Variants in MYLK3 observed in about 807,000 individuals in gnomAD.
The protein encoded by MYLK3 is MLC kinase.
Under a neutral mutation model 76.3 loss-of-function variants are expected in MYLK3, and 55 were observed. That is an observed-to-expected ratio of 0.72 (90% CI 0.58 to 0.90). The LOEUF (loss-of-function observed/expected upper bound fraction) is 0.90. MYLK3 is among the 40% of genes least tolerant of loss of function. The pLI is 0.00. For synonymous variants in MYLK3, 416 were observed against 425.4 expected, an observed-to-expected ratio of 0.98 and a Z score of 0.27; for missense variants, 973 against 1,053.6, an observed-to-expected ratio of 0.92 and a Z score of 1.06.
At chr16:46,752,301 C>A, upstream of MYLK3, among the ~76,000 whole-genome samples, 1 of 152,082 alleles carries the variant, frequency 6.6e-6, no homozygotes, top group Non-Finnish European at 1.5e-5. Flanking sequence ...AATGGCACAA[C>A]CACAGCTCAC....
At chr16:46,723,207 G>A (rs566927610) in intron 8 of MYLK3, among the ~76,000 whole-genome samples, 1 of 151,996 alleles carries the variant, frequency 6.6e-6, no homozygotes, top group East Asian at 1.9e-4. Flanking sequence ...TGCCTATTCT[G>A]GACATTTCAT....
At chr16:46,711,917 A>C (rs747948345) in intron 10 of MYLK3, 4 of 161,118 alleles carry the variant, frequency 2.5e-5, no homozygotes, top group Non-Finnish European at 5.5e-5. Context: ...CTTACTCTCG[A>C]TGAATACCTT....
chr16:46,712,524 T>C, intron 10 of MYLK3, 124 bp downstream of exon 10: 1 of 836,700 alleles, frequency 1.2e-6, no homozygotes, highest in Non-Finnish European at 1.7e-6. Flanking sequence ...TATTCCTCTA[T>C]TGGGGTTTCC....
Position 46,709,656 on chromosome 16 carries a change from G to A in MYLK3, c.2283C>T (p.Ala761=). The change falls in exon 12 of 13, where the codon GCC becomes GCT. Residue 761 remains alanine, a synonymous_variant. Transcript: ENST00000394809. ...LVKEKSCRMS[A]TQCLKHEWLN... The stretch of plus-strand genomic sequence containing the variant: ...GCCACTCGTGTTTCAGGCACTGTGT[G>A]GCACTCATTCTGCAGCTGTGAAATC... 1 of 1,612,620 alleles carries A rather than the reference G, an allele frequency of 6.2e-7. No homozygotes were observed. Among genetic ancestry groups the A allele is most frequent in the Non-Finnish European group, 8.5e-7 (1 of 1,179,650 alleles).
rs1207608535 is a variant in MYLK3, at chr16:46,727,376, C to T, written c.1774G>A (p.Val592Met). The T allele has an allele frequency of 2.2e-5, 36 of 1,605,458 alleles. No homozygotes were observed. The East Asian group carries it at 4.0e-4, about 18-fold the overall frequency. The change falls in exon 8 of 13, where the codon GTG becomes ATG. Residue 592 changes from valine (V) to methionine (M), a missense_variant and splice_region_variant. Physicochemically the swap from Val to Met is conservative, Grantham distance 21. Around this residue, in one of 2 missense-constraint regions of MYLK3, gnomAD observed 332 missense variants for 416.6 expected, o/e 0.80. Transcript: ENST00000394809. Reference protein sequence around the residue: ...KHSCTLVMEYVDGGELFDRIT... With the variant: ...KHSCTLVMEYMDGGELFDRIT... ...CGGTCGAAGAGCTCACCCCCGTCCA[C>T]GCTGCCAGAGCAAAGGGAGAGGCAG...
At chr16:46,738,286 G>C in intron 2 of MYLK3, 143 bp from the exon 3 acceptor site, 1 of 718,948 alleles carries the variant, frequency 1.4e-6, no homozygotes, top group South Asian at 2.3e-5. Context: ...GAAAGGGGCT[G>C]GTTGACTAAA....
chr16:46,759,542 C>A (rs1967248402), intron 1 of MYLK3, among the ~76,000 whole-genome samples: 2 of 152,224 alleles, frequency 1.3e-5, no homozygotes, highest in Admixed American at 1.3e-4. Flanking sequence ...AAGGCATGTT[C>A]CAAAGTCAGA....
rs762435247 is a variant in MYLK3, at chr16:46,710,665, C to G, written c.2239G>C (p.Val747Leu). The G allele has an allele frequency of 1.9e-6, 3 of 1,614,164 alleles. No homozygotes were observed. The highest frequency in any genetic ancestry group is 2.5e-6 in the Non-Finnish European group (3 of 1,180,036). Residue 747 changes from valine to leucine, a missense_variant, in exon 11 of 13, where the codon GTT (valine) becomes CTT (leucine). Around this residue, in one of 2 missense-constraint regions of MYLK3, gnomAD observed 332 missense variants for 416.6 expected, o/e 0.80. Transcript: ENST00000394809. ...EGLSEEAKDF[V>L]SRLLVKEKSC... ...TTCTCTTTGACCAGCAACCGGGAAA[C>G]AAAGTCCTTGGCCTCCTCCGAGAGC... is the stretch of plus-strand genomic sequence containing the variant.
At chr16:46,732,819 C>T (rs1966855458) in intron 3 of MYLK3, 151 bp from the exon 4 acceptor site, 1 of 614,476 alleles carries the variant, frequency 1.6e-6, no homozygotes, top group South Asian at 2.5e-5. Flanking sequence ...ACTTCAGTGA[C>T]AGTTGGTGCC....
chr16:46,716,961 C>A (rs1354109021), intron 9 of MYLK3, among the ~76,000 whole-genome samples: 1 of 152,182 alleles, frequency 6.6e-6, no homozygotes, highest in African/African-American at 2.4e-5. Context: ...CCATACCTTG[C>A]CCTGTGCCCC....
chr16:46,715,553 T>C (rs989707763), intron 9 of MYLK3, among the ~76,000 whole-genome samples: 3 of 152,212 alleles, frequency 2.0e-5, no homozygotes, highest in African/African-American at 7.2e-5. Flanking sequence ...AAGGATCTGA[T>C]GAAATGGGAT....
Position 46,757,475 on chromosome 16 carries a change from C to T in MYLK3, c.-114+5565G>A, listed in dbSNP as rs981170176. Reference sequence around the variant, plus strand: ...CGCTGCTGGCCTCTGGTGCTGGGACCGCGCAGTGCTGGAGTGGGGCACAGA... The same window carrying T: ...CGCTGCTGGCCTCTGGTGCTGGGACTGCGCAGTGCTGGAGTGGGGCACAGA... On this transcript the variant is annotated intron_variant, in intron 1 of 11. Coordinates refer to the MYLK3 transcript ENST00000536476. 1.5e-5 allele frequency: 15 copies of T among 985,332 alleles called. No homozygotes were observed. In the East Asian group the frequency reaches 7.9e-4, roughly 52 times the overall value. The allele number at this position is 985,332 out of a possible 1,614,324, so 61.0% of individuals were successfully genotyped here. A position where few individuals can be genotyped will look rare whatever the true frequency, so the allele number is the denominator to read the frequency against.
At chr16:46,716,578 G>A (rs1966743131) in intron 9 of MYLK3, among the ~76,000 whole-genome samples, 1 of 150,914 alleles carries the variant, frequency 6.6e-6, no homozygotes, top group African/African-American at 2.4e-5. Flanking sequence ...TTGTTATAAT[G>A]TTGGGACACT....
At chr16:46,709,433 C>T in intron 12 of MYLK3, 106 bp downstream of exon 12, 4 of 1,318,308 alleles carry the variant, frequency 3.0e-6, no homozygotes, top group Non-Finnish European at 4.1e-6. Context: ...AAAAACAAAC[C>T]CAAAAAGAAG....
rs750201520 is a variant in MYLK3, at chr16:46,738,011, T to C, written c.701A>G (p.Gln234Arg). Reference sequence around the variant, plus strand: ...CAGGGGCAGGTGGCCAGGGAATGCCTGGGCTGGGCCAGGAACACCATCTCC... The same window carrying C: ...CAGGGGCAGGTGGCCAGGGAATGCCCGGGCTGGGCCAGGAACACCATCTCC... ...GQGDGVPGPA[Q>R]AFPGHLPLPT... is the part of the protein sequence containing the mutation. Residue 234 changes from glutamine to arginine, a missense_variant, in exon 3 of 13, where the codon CAG becomes CGG. By Grantham distance (43) the Gln-to-Arg change is conservative (BLOSUM62 1). This residue lies in a region of MYLK3 where 641 missense variants were observed against 637.0 expected (regional missense o/e 1.01). Coordinates refer to ENST00000394809, the MANE Select transcript of MYLK3 (RefSeq NM_182493.3). 442 of 1,613,242 alleles carry C rather than the reference T, an allele frequency of 2.7e-4. 6 individuals carry two copies. The Admixed American group carries it at 7.2e-3, about 26-fold the overall frequency.
intron 1 of MYLK3, among the ~76,000 whole-genome samples, chr16:46,746,977 G>C (rs1407961345): frequency 6.6e-6 from 1 of 152,186 alleles, no homozygotes; most frequent in African/African-American, 2.4e-5. Context: ...TCTCTTGCCA[G>C]AGGCTGGTGA....
At chr16:46,745,498 C>T (rs565467467) in intron 1 of MYLK3, among the ~76,000 whole-genome samples, 2 of 152,214 alleles carry the variant, frequency 1.3e-5, no homozygotes, top group African/African-American at 2.4e-5. Context: ...AATCCCAGCA[C>T]TTTGGGAGGC....
intron 3 of MYLK3, among the ~76,000 whole-genome samples, chr16:46,734,540 G>A (rs1966859846): frequency 6.6e-6 from 1 of 152,108 alleles, no homozygotes; most frequent in East Asian, 1.9e-4. Context: ...CTAATCGCTT[G>A]AACCCAGGAG....
At chr16:46,737,615 G>A in intron 3 of MYLK3, 96 bp downstream of exon 3, 1 of 1,239,448 alleles carries the variant, frequency 8.1e-7, no homozygotes, top group Non-Finnish European at 1.1e-6. Flanking sequence ...GAACAGCCCA[G>A]GAACATGTAT....
Sources: gnomAD v4.1 joint callset for allele counts (sites outside exome capture counted in the v4.1 genomes callset) on GRCh38, gnomAD v4.1.1 for gene constraint, gnomAD v4.1.1 regional missense constraint, MANE v1.5 for transcripts, NCBI Gene and HGNC (gene_info 2026-07-23, HGNC 2026-07-21) for gene names.